MMP27: variants seen among roughly 807,000 people sequenced by gnomAD.
The protein encoded by MMP27 is matrix metallopeptidase 27, also known as matrix metalloproteinase-27.
MMP27 carries 51 observed loss-of-function variants against 48.1 expected under a neutral mutation model. That is an observed-to-expected ratio of 1.06 (90% CI 0.85 to 1.34). The LOEUF (loss-of-function observed/expected upper bound fraction) is 1.34. Ranked by LOEUF, MMP27 falls within the 40% of genes most tolerant of loss-of-function variation. The pLI is 0.00. For synonymous variants in MMP27, 229 were observed against 208.9 expected, an observed-to-expected ratio of 1.10 and a Z score of -0.83; for missense variants, 698 against 619.3, an observed-to-expected ratio of 1.13 and a Z score of -1.35.
chr11:102,699,589 G>C (rs1253921763), intron 4 of MMP27, among the ~76,000 whole-genome samples: 1 of 152,200 alleles, frequency 6.6e-6, no homozygotes, highest in Non-Finnish European at 1.5e-5. Flanking sequence ...AGTGATGTTT[G>C]CATGAAGCAA....
At chr11:102,696,894 T>C (rs1466234210) in intron 4 of MMP27, 59 bp from the exon 5 acceptor site, 5 of 1,548,230 alleles carry the variant, frequency 3.2e-6, no homozygotes. Flanking sequence ...AATGGCTGCA[T>C]CTGAGATTAG....
chr11:102,693,188 G>T, intron 8 of MMP27, 147 bp from the exon 9 acceptor site: 1 of 573,094 alleles, frequency 1.7e-6, no homozygotes. Flanking sequence ...TAAAAATACA[G>T]TAAAGATTAT....
At chr11:102,700,451 A>T (rs1390758886) in intron 4 of MMP27, among the ~76,000 whole-genome samples, 1 of 152,178 alleles carries the variant, frequency 6.6e-6, no homozygotes, top group Non-Finnish European at 1.5e-5. Context: ...GCACTTTCTG[A>T]GTGTTCACTA....
intron 4 of MMP27, among the ~76,000 whole-genome samples, chr11:102,700,844 G>A (rs780009679): frequency 2.0e-5 from 3 of 152,228 alleles, no homozygotes; most frequent in Non-Finnish European, 4.4e-5. Context: ...ATCCCCATGC[G>A]ATGACCTGTT....
rs769681736 is a variant in MMP27 at position 102,702,852 on chromosome 11, C to T, written c.520G>A (p.Gly174Ser). Residue 174 changes from glycine to serine, a missense_variant, in exon 4 of 10, where the codon GGT (glycine) becomes AGT (serine). Transcript: ENST00000260229. Reference sequence around the variant, plus strand: ...GCATGGCCAAGCACTCCCAAGGGACCATCAAAATAGCGAGGACACCGACCA... The same window carrying T: ...GCATGGCCAAGCACTCCCAAGGGACTATCAAAATAGCGAGGACACCGACCA... ...VHGRCPRYFD[G>S]PLGVLGHAFP... 6.2e-7 allele frequency: 1 copy of T among 1,613,938 alleles called. No homozygotes were observed. Among genetic ancestry groups the T allele is most frequent in the Non-Finnish European group, 8.5e-7 (1 of 1,179,960 alleles).
Position 102,691,763 on chromosome 11 carries a change from A to C in MMP27, c.*3T>G, listed in dbSNP as rs755472333. 6.3e-7 allele frequency: 1 copy of C among 1,580,290 alleles called. No individual in the cohort carries two copies. Among genetic ancestry groups the C allele is most frequent in the Non-Finnish European group, 8.6e-7 (1 of 1,158,598 alleles). On this transcript the variant is annotated 3_prime_UTR_variant, in exon 10 of 10. Coordinates refer to ENST00000260229, the MANE Select transcript of MMP27 (RefSeq NM_022122.3). ...TGTTGAGGTTTATTTTAGGTCTATG[A>C]ATTTATTGATAAATAGAAGTGTTTT...
intron 2 of MMP27, 94 bp downstream of exon 2, chr11:102,704,443 G>T: frequency 1.0e-6 from 1 of 960,708 alleles, no homozygotes; most frequent in Non-Finnish European, 1.6e-6. Flanking sequence ...CACACAGGAA[G>T]TGCTCAGTCA....
In MMP27 at chr11:102,702,765, TG is replaced by T; in HGVS notation, c.606del (p.Lys203ArgfsTer31). 2 of 1,609,984 alleles carry T rather than the reference TG, an allele frequency of 1.2e-6. No homozygotes were observed. The highest frequency in any genetic ancestry group is 4.5e-5 in the East Asian group (2 of 44,852). ...DTHFDEDENW[T>X]KDGAGFNLFL... Reference sequence around the variant, plus strand: ...AAATTAGACTCACCTGCTCCATCCTTGGTCCAGTTTTCATCCTCATCAAAAT... The same window carrying T: ...AAATTAGACTCACCTGCTCCATCCTTGTCCAGTTTTCATCCTCATCAAAAT... On this transcript the variant is annotated frameshift_variant, in exon 4 of 10. Coordinates refer to ENST00000260229, the MANE Select transcript of MMP27 (RefSeq NM_022122.3). LOFTEE classifies it high-confidence loss of function.
chr11:102,697,581 A>C (rs1860855115), intron 4 of MMP27, among the ~76,000 whole-genome samples: 1 of 151,906 alleles, frequency 6.6e-6, no homozygotes, highest in South Asian at 2.1e-4. Context: ...AGCTCACTGC[A>C]GCTTCAAACT....
intron 1 of MMP27, among the ~76,000 whole-genome samples, chr11:102,705,351 C>A (rs1284536855): frequency 6.6e-6 from 1 of 152,112 alleles, no homozygotes; most frequent in East Asian, 1.9e-4. Context: ...GCAGGGCTCT[C>A]TCCTTTCTCC....
chr11:102,701,449 G>T (rs77095316), intron 4 of MMP27, among the ~76,000 whole-genome samples: 9,795 of 152,254 alleles, frequency 0.064, 351 homozygotes, highest in Admixed American at 0.094. Context: ...GTAAAGCCTG[G>T]CTGAGCAAGG....
chr11:102,704,536 C>T lies in MMP27; in HGVS notation c.341+1G>A, dbSNP rs1243626227. 1.2e-6 allele frequency: 2 copies of T among 1,603,876 alleles called. No individual in the cohort carries two copies. The highest frequency in any genetic ancestry group is 1.3e-5 in the African/African-American group (1 of 74,768). On this transcript the variant is annotated splice_donor_variant, in intron 2 of 9. Coordinates refer to ENST00000260229, the MANE Select transcript of MMP27 (RefSeq NM_022122.3). LOFTEE classifies it high-confidence loss of function. Reference sequence around the variant, plus strand: ...CGGAAATAAGCTGGCAGAAGCATTACCTGTAGGTGAGGTTGTATTTTCTCC... The same window carrying T: ...CGGAAATAAGCTGGCAGAAGCATTATCTGTAGGTGAGGTTGTATTTTCTCC...
At chr11:102,694,188 T>C in intron 7 of MMP27, 123 bp from the exon 8 acceptor site, 3 of 580,460 alleles carry the variant, frequency 5.2e-6, no homozygotes, top group Non-Finnish European at 5.6e-6. Flanking sequence ...TAATCTTATG[T>C]CCACATTCAT....
At chr11:102,693,885 G>C (rs1330168789) in intron 8 of MMP27, 21 bp downstream of exon 8, 1 of 1,559,112 alleles carries the variant, frequency 6.4e-7, no homozygotes, top group African/African-American at 1.4e-5. Flanking sequence ...AAAACAAAGT[G>C]TCAATTGTCT....
chr11:102,702,918 T>TC (rs755715202), intron 3 of MMP27, 37 bp from the exon 4 acceptor site: 1 of 1,611,606 alleles, frequency 6.2e-7, no homozygotes, highest in South Asian at 1.1e-5. Context: ...AAGATCAGCT[T>TC]CCTCAAATCT....
Position 102,691,548 on chromosome 11 carries a change from C to T in MMP27, c.*218G>A. The T allele has an allele frequency of 2.3e-6, 1 of 435,092 alleles. No individual in the cohort carries two copies. Among genetic ancestry groups the T allele is most frequent in the African/African-American group, 2.0e-5 (1 of 49,592 alleles). 27.0% of individuals were successfully genotyped at this position (435,092 alleles called of 1,614,324 possible). Reference sequence around the variant, plus strand: ...ATTCAGTTATAAGACATGTCTTCTCCAAGTCCACAAAGCATGAAATAGGCT... The same window carrying T: ...ATTCAGTTATAAGACATGTCTTCTCTAAGTCCACAAAGCATGAAATAGGCT... On this transcript the variant is annotated 3_prime_UTR_variant, in exon 10 of 10. Transcript: ENST00000260229.
At position 102,704,661 on chromosome 11, in the gene MMP27, T is replaced by C. The variant is rs775981745; in HGVS notation, c.217A>G (p.Thr73Ala). The change falls in exon 2 of 10, where the codon ACA (threonine) becomes GCA (alanine). Residue 73 changes from threonine to alanine, a missense_variant. Physicochemically the swap from Thr to Ala is moderately conservative, Grantham distance 58. Coordinates refer to ENST00000260229, the MANE Select transcript of MMP27 (RefSeq NM_022122.3). ...IREMQAFFGL[T>A]VTGKLDSNTL... ...TTTGAGTCCAGTTTTCCAGTCACTG[T>C]CAATCCAAAAAATGCTTGCATTTCC... 6.2e-6 allele frequency: 10 copies of C among 1,614,018 alleles called. No individual in the cohort carries two copies. The East Asian group carries it at 2.0e-4, about 32-fold the overall frequency.
chr11:102,692,071 A>T, intron 9 of MMP27, 61 bp from the exon 10 acceptor site: 4 of 1,379,260 alleles, frequency 2.9e-6, no homozygotes, highest in Non-Finnish European at 3.8e-6. Flanking sequence ...CCATACTTTT[A>T]AATTTTATAA....
chr11:102,694,097 A>G (rs1279755958), intron 7 of MMP27, 32 bp from the exon 8 acceptor site: 1 of 1,479,362 alleles, frequency 6.8e-7, no homozygotes, highest in South Asian at 1.4e-5. Flanking sequence ...TTTATTTTCT[A>G]GAGGGAGAAA....
Sources: allele counts gnomAD v4.1 joint callset (sites outside exome capture counted in the v4.1 genomes callset), GRCh38; gene constraint gnomAD v4.1.1; transcripts MANE v1.5; gene names NCBI Gene and HGNC (gene_info 2026-07-23, HGNC 2026-07-21).